Variants in SCRG1 observed in about 807,000 individuals in gnomAD.
SCRG1 encodes the protein scrapie-responsive protein 1.
Under a neutral mutation model 7.7 loss-of-function variants are expected in SCRG1, and 3 were observed. That is an observed-to-expected ratio of 0.39 (90% CI 0.18 to 1.01). The LOEUF (loss-of-function observed/expected upper bound fraction) is 1.01, where lower values mean the gene tolerates loss of function less well. Ranked by LOEUF, SCRG1 falls within the 50% of genes least tolerant of loss-of-function variation. The probability of loss-of-function intolerance (pLI) is 0.36; values close to 1 mark genes in which losing one functional copy is unlikely to be tolerated. For synonymous variants in SCRG1, 46 were observed against 41.2 expected (o/e 1.12, Z -0.44); for missense variants, 110 against 117.2 (o/e 0.94, Z 0.28).
the SCRG1 span, among the ~76,000 whole-genome samples, chr4:173,423,942 A>G: frequency 1.3e-5 from 2 of 152,204 alleles, no homozygotes; most frequent in Admixed American, 1.3e-4. Context: ...AAGAGAAAGA[A>G]TAGAAAATAA....
At chr4:173,451,692 A>C in the SCRG1 span, among the ~76,000 whole-genome samples, 1 of 149,702 alleles carries the variant, frequency 6.7e-6, no homozygotes. Flanking sequence ...ATTTTGAGAC[A>C]GAGTCTCGCT....
chr4:173,510,423 C>CATATATATAT, the SCRG1 span, among the ~76,000 whole-genome samples: 11 of 149,114 alleles, frequency 7.4e-5, no homozygotes, highest in African/African-American at 2.5e-4. The surrounding 1 kb of genome is among the most constrained non-coding windows in gnomAD (Gnocchi z 5.7). Context: ...AGGCCAAAAC[C>CATATATATAT]ATATATATAT....
chr4:173,473,300 A>G, the SCRG1 span, among the ~76,000 whole-genome samples: 2 of 152,234 alleles, frequency 1.3e-5, no homozygotes, highest in Non-Finnish European at 2.9e-5. Flanking sequence ...GAAAGTGTTA[A>G]TGGTAGGCTG....
chr4:173,438,907 A>G, the SCRG1 span, among the ~76,000 whole-genome samples: 2 of 152,026 alleles, frequency 1.3e-5, no homozygotes, highest in African/African-American at 4.8e-5. Context: ...CTGTTCACCA[A>G]ACTGGGTTCC....
chr4:173,515,204 C>T, the SCRG1 span, among the ~76,000 whole-genome samples: 1 of 152,118 alleles, frequency 6.6e-6, no homozygotes, highest in Non-Finnish European at 1.5e-5. The surrounding 1 kb of genome is among the most constrained non-coding windows in gnomAD (Gnocchi z 4.6). Context: ...ACATACGGTG[C>T]CAGGATTTTT....
chr4:173,416,435 G>T, the SCRG1 span, among the ~76,000 whole-genome samples: 1 of 152,288 alleles, frequency 6.6e-6, no homozygotes, highest in South Asian at 2.1e-4. Flanking sequence ...TCATACCTCT[G>T]CTCAAAAGGA....
At chr4:173,435,383 C>A in the SCRG1 span, among the ~76,000 whole-genome samples, 77 of 152,314 alleles carry the variant, frequency 5.1e-4, no homozygotes, top group Non-Finnish European at 5.9e-5. Context: ...CCAAGGAGGT[C>A]CTGGCAAGTT....
chr4:173,466,531 C>T, the SCRG1 span, among the ~76,000 whole-genome samples: 704 of 152,180 alleles, frequency 4.6e-3, 4 homozygotes, highest in African/African-American at 0.016. Context: ...TTAAGGGAGA[C>T]CAGGATTCCA....
At chr4:173,501,214 C>G in the SCRG1 span, among the ~76,000 whole-genome samples, 2 of 152,206 alleles carry the variant, frequency 1.3e-5, no homozygotes, top group African/African-American at 4.8e-5. The surrounding 1 kb of genome is among the most constrained non-coding windows in gnomAD (Gnocchi z 5.1). Flanking sequence ...CCGAGCTCCG[C>G]GCTTACCGAT....
the SCRG1 span, among the ~76,000 whole-genome samples, chr4:173,514,416 G>T: frequency 1.3e-5 from 2 of 152,184 alleles, no homozygotes; most frequent in African/African-American, 2.4e-5. Flanking sequence ...CCCTAGAAAT[G>T]GTTGCCTCTC....
At chr4:173,413,716 T>C in the SCRG1 span, among the ~76,000 whole-genome samples, 11 of 152,296 alleles carry the variant, frequency 7.2e-5, no homozygotes, top group East Asian at 1.9e-3. Flanking sequence ...AGTGGATGTG[T>C]GGCAGCTAGA....
chr4:173,499,255 A>G, the SCRG1 span, among the ~76,000 whole-genome samples: 3 of 152,228 alleles, frequency 2.0e-5, no homozygotes, highest in Admixed American at 1.3e-4. This position sits in a 1 kb window ranked among gnomAD's most constrained non-coding sequence, Gnocchi z 4.1. Context: ...CCCAGCCTGC[A>G]CTAGGCATGG....
the SCRG1 span, among the ~76,000 whole-genome samples, chr4:173,417,729 C>T: frequency 6.6e-6 from 1 of 152,064 alleles, no homozygotes; most frequent in Admixed American, 6.5e-5. Flanking sequence ...CTCCTGGGCT[C>T]AAGCGATCCT....
At chr4:173,430,889 C>T in the SCRG1 span, among the ~76,000 whole-genome samples, 2 of 145,058 alleles carry the variant, frequency 1.4e-5, no homozygotes, top group Non-Finnish European at 3.0e-5. Flanking sequence ...TCAGAAAAAA[C>T]AGCCACTATA....
chr4:173,478,299 T>C, the SCRG1 span, among the ~76,000 whole-genome samples: 3 of 152,100 alleles, frequency 2.0e-5, no homozygotes, highest in African/African-American at 7.2e-5. Context: ...AGATAAATGT[T>C]CTCTGGGCTA....
chr4:173,395,846 A>C (rs904607393), intron 1 of SCRG1, among the ~76,000 whole-genome samples: 1 of 152,236 alleles, frequency 6.6e-6, no homozygotes, highest in African/African-American at 2.4e-5. Flanking sequence ...TTATTATGTG[A>C]ATTTACCTAC....
the SCRG1 span, among the ~76,000 whole-genome samples, chr4:173,458,330 C>A: frequency 6.6e-6 from 1 of 151,950 alleles, no homozygotes; most frequent in East Asian, 1.9e-4. Context: ...AAATATAATG[C>A]AAGTTACATA....
At chr4:173,516,043 A>G in the SCRG1 span, among the ~76,000 whole-genome samples, 1 of 152,066 alleles carries the variant, frequency 6.6e-6, no homozygotes, top group African/African-American at 2.4e-5. Context: ...TCGGGGGCCA[A>G]TGCTCTTCAT....
chr4:173,476,361 A>ATATATATATAT, the SCRG1 span, among the ~76,000 whole-genome samples: 10 of 51,418 alleles, frequency 1.9e-4, no homozygotes, highest in Non-Finnish European at 3.6e-4. Context: ...GGGGAAAAAA[A>ATATATATATAT]AAATATATAT....
Sources: gnomAD v4.1 joint callset for allele counts (sites outside exome capture counted in the v4.1 genomes callset) on GRCh38, gnomAD v4.1.1 for gene constraint, Gnocchi (gnomAD v3.1) non-coding constraint, MANE v1.5 for transcripts, NCBI Gene and HGNC (gene_info 2026-07-23, HGNC 2026-07-21) for gene names.